The following MOB3B variants were observed in gnomAD, a reference collection of about 807,000 sequenced individuals.
The protein encoded by MOB3B is MOB kinase activator-like 2B.
A neutral mutation model predicts 18.7 loss-of-function variants in MOB3B; 7 were observed. The ratio of observed to expected loss-of-function variants is 0.37; its 90% CI spans 0.21 to 0.70. MOB3B has a LOEUF of 0.70. Among genes scored for constraint, MOB3B ranks in the 30% least tolerant of loss-of-function variants. MOB3B has a pLI of 0.52. For missense variants in MOB3B, 253 were observed against 281.3 expected (o/e 0.90, Z 0.72); for synonymous variants, 111 against 99.9 (o/e 1.11, Z -0.66).
At chr9:27,380,946 AC>A (rs1821569570) in intron 2 of MOB3B, among the ~76,000 whole-genome samples, 1 of 152,050 alleles carries the variant, frequency 6.6e-6, no homozygotes, top group African/African-American at 2.4e-5. Context: ...AGCCAACTCC[AC>A]CTTTTCAGAT....
At chr9:27,520,231 T>C (rs78439498) in intron 1 of MOB3B, among the ~76,000 whole-genome samples, 4 of 152,146 alleles carry the variant, frequency 2.6e-5, no homozygotes, top group East Asian at 1.9e-4. Flanking sequence ...TTCTGCCTTG[T>C]CCATTACAGT....
At chr9:27,331,470 G>C (rs931550978) in intron 3 of MOB3B, among the ~76,000 whole-genome samples, 1 of 119,686 alleles carries the variant, frequency 8.4e-6, no homozygotes, top group Non-Finnish European at 1.9e-5. Context: ...GTACATCTCT[G>C]TGTGTGTGTG....
chr9:27,331,295 C>A (rs1388610711), intron 3 of MOB3B, among the ~76,000 whole-genome samples: 1 of 152,158 alleles, frequency 6.6e-6, no homozygotes, highest in African/African-American at 2.4e-5. Flanking sequence ...CCACATCCTG[C>A]GCCTGCCCCT....
At chr9:27,402,433 G>A (rs1821899557) in intron 2 of MOB3B, among the ~76,000 whole-genome samples, 1 of 152,170 alleles carries the variant, frequency 6.6e-6, no homozygotes, top group African/African-American at 2.4e-5. Flanking sequence ...TGTGGATAAT[G>A]ATGATGACAA....
At chr9:27,524,187 G>T in intron 1 of MOB3B, 5 of 448,314 alleles carry the variant, frequency 1.1e-5, no homozygotes, top group Middle Eastern at 7.3e-4. Context: ...AGAGGCAAAG[G>T]AAAGGGGCCG....
chr9:27,404,747 A>G (rs973308843), intron 2 of MOB3B, among the ~76,000 whole-genome samples: 1 of 152,084 alleles, frequency 6.6e-6, no homozygotes, highest in Non-Finnish European at 1.5e-5. Flanking sequence ...TGGGGGTGCA[A>G]ATACTGATTT....
intron 1 of MOB3B, among the ~76,000 whole-genome samples, chr9:27,468,306 G>A (rs1819416066): frequency 6.6e-6 from 1 of 152,134 alleles, no homozygotes; most frequent in Non-Finnish European, 1.5e-5. Flanking sequence ...GTGAGCTTTA[G>A]GCCTGACAGT....
chr9:27,456,708 G>T lies in MOB3B; in HGVS notation c.-198-960C>A, dbSNP rs1354787323. On this transcript the variant is annotated intron_variant, in intron 1 of 3. Coordinates refer to ENST00000262244, the MANE Select transcript of MOB3B (RefSeq NM_024761.5). ...CTCACACTTTAGACAGCACTTTGAG[G>T]CAGAACTGTCCAATAGAACTTTCTG... Among the ~76,000 whole-genome samples the T allele has an allele frequency of 4.6e-5, 7 of 152,176 alleles. No homozygotes were observed. The East Asian group carries it at 1.3e-3, about 29-fold the overall frequency.
At position 27,355,018 on chromosome 9, in the gene MOB3B, T is replaced by C. The variant is rs114068781; in HGVS notation, c.621+4016A>G. On this transcript the variant is annotated intron_variant, in intron 3 of 3. Transcript: ENST00000262244. ...ATACCCATGCTATGGATGAGGAAAA[T>C]GAAGCTTTGAAAAGCCATATATCTT... 5.1e-3 allele frequency among the ~76,000 whole-genome samples: 771 copies of C among 152,308 alleles called. 10 individuals carry two copies. The highest frequency in any genetic ancestry group is 0.017 in the African/African-American group (692 of 41,570).
intron 3 of MOB3B, among the ~76,000 whole-genome samples, chr9:27,348,019 C>A (rs1353988678): frequency 6.6e-6 from 1 of 152,126 alleles, no homozygotes; most frequent in East Asian, 1.9e-4. Flanking sequence ...TGTAGAAAGA[C>A]CAGGTTTCTG....
In MOB3B at chr9:27,326,503, T is replaced by C. The variant is rs1391587673; in HGVS notation, c.*4084A>G. On this transcript the variant is annotated 3_prime_UTR_variant, in exon 4 of 4. Transcript: ENST00000262244. ...AGCTCGAGTTGAATGGAATTCAAGA[T>C]GTTGTGGAGGGTTCAGTGGGTTGGT... 5.0e-6 allele frequency: 2 copies of C among 398,488 alleles called. No homozygotes were observed. The highest frequency in any genetic ancestry group is 3.6e-5 in the East Asian group (1 of 28,082). The allele number at this position is 398,488 out of a possible 1,614,324, so 24.7% of individuals were successfully genotyped here. A position where few individuals can be genotyped will look rare whatever the true frequency, so the allele number is the denominator to read the frequency against.
intron 1 of MOB3B, among the ~76,000 whole-genome samples, chr9:27,496,151 G>A (rs1180209731): frequency 1.3e-5 from 2 of 152,190 alleles, no homozygotes; most frequent in Non-Finnish European, 2.9e-5. Flanking sequence ...TATTCCAACT[G>A]AGTTGTCACA....
chr9:27,377,001 GCTACAC>G (rs1189699520), intron 2 of MOB3B, among the ~76,000 whole-genome samples: 1 of 152,190 alleles, frequency 6.6e-6, no homozygotes, highest in Non-Finnish European at 1.5e-5. Context: ...CCATTTATTA[GCTACAC>G]GATCTTGGGC....
rs1820459275 is a variant in MOB3B at position 27,527,831 on chromosome 9, AG to A, written c.-199+1723del. On this transcript the variant is annotated intron_variant, in intron 1 of 3. Coordinates refer to ENST00000262244, the MANE Select transcript of MOB3B (RefSeq NM_024761.5). ...TCTGGGGACCCTGACTTCTCAGAGT[AG>A]CTACTTTGCTTTTGCCCCAGTTCTT... 2.6e-5 allele frequency among the ~76,000 whole-genome samples: 4 copies of A among 152,202 alleles called. No individual in the cohort carries two copies. In the South Asian group the frequency reaches 8.3e-4, roughly 32 times the overall value.
At chr9:27,501,450 G>T (rs1428151007) in intron 1 of MOB3B, among the ~76,000 whole-genome samples, 1 of 152,104 alleles carries the variant, frequency 6.6e-6, no homozygotes, top group African/African-American at 2.4e-5. Flanking sequence ...GTCCTTTGCA[G>T]GGACATGGAG....
intron 2 of MOB3B, among the ~76,000 whole-genome samples, 191 bp downstream of exon 2, chr9:27,454,942 C>T (rs374860363): frequency 1.6e-4 from 25 of 152,186 alleles, no homozygotes; most frequent in Middle Eastern, 3.4e-3. Flanking sequence ...CTGGAGTCCA[C>T]AAAATAAATG....
At chr9:27,370,363 C>T (rs956765871) in intron 2 of MOB3B, among the ~76,000 whole-genome samples, 5 of 152,066 alleles carry the variant, frequency 3.3e-5, no homozygotes, top group African/African-American at 1.2e-4. Context: ...ACAAAATTAG[C>T]CGGGCATGGT....
At chr9:27,445,611 C>T (rs950374225) in intron 2 of MOB3B, among the ~76,000 whole-genome samples, 2 of 152,098 alleles carry the variant, frequency 1.3e-5, no homozygotes, top group African/African-American at 4.8e-5. Context: ...ATATGGATGG[C>T]TTATCTGAGG....
At position 27,412,313 on chromosome 9, in the gene MOB3B, C is replaced by T. The variant is rs560693431; in HGVS notation, c.418+42820G>A. On this transcript the variant is annotated intron_variant, in intron 2 of 3. Coordinates refer to ENST00000262244, the MANE Select transcript of MOB3B (RefSeq NM_024761.5). ...AGGTGCCTTTCCTTTCCTGGAGATT[C>T]TTCCCCAGAGCAATATCTTAAAGAT... Among the ~76,000 whole-genome samples, 230 of 150,768 alleles carry T rather than the reference C, an allele frequency of 1.5e-3. 1 individual carries two copies. The highest frequency in any genetic ancestry group is 5.3e-3 in the African/African-American group (219 of 40,988).
Sources: gnomAD v4.1 joint callset for allele counts (sites outside exome capture counted in the v4.1 genomes callset) on GRCh38, gnomAD v4.1.1 for gene constraint, MANE v1.5 for transcripts, NCBI Gene and HGNC (gene_info 2026-07-23, HGNC 2026-07-21) for gene names.